Variants in PLCB1 observed in about 807,000 individuals in gnomAD.
The protein encoded by PLCB1 is 1-phosphatidylinositol 4,5-bisphosphate phosphodiesterase beta-1.
Under a neutral mutation model 161.8 loss-of-function variants are expected in PLCB1, and 46 were observed. The observed-to-expected ratio is 0.28, with a 90% CI of 0.22 to 0.36. PLCB1 has a LOEUF of 0.36. PLCB1 is among the 10% of genes least tolerant of loss of function. The pLI is 1.00. For synonymous variants in PLCB1, 517 were observed against 503.7 expected (o/e 1.03, Z -0.35); for missense variants, 1,016 against 1,472.5 (o/e 0.69, Z 5.07).
At chr20:8,760,853 T>C (rs560097928) in intron 25 of PLCB1, among the ~76,000 whole-genome samples, 2 of 152,366 alleles carry the variant, frequency 1.3e-5, no homozygotes, top group Non-Finnish European at 2.9e-5. Flanking sequence ...GTTTAAGAAC[T>C]GTGATACAGT....
intron 3 of PLCB1, among the ~76,000 whole-genome samples, chr20:8,579,713 C>T (rs554011848): frequency 3.9e-4 from 60 of 152,166 alleles, no homozygotes; most frequent in African/African-American, 1.4e-3. Context: ...ACCATTCTGT[C>T]TTCATTTTTT....
chr20:8,875,688 T>TTAAG (rs1483282530), intron 31 of PLCB1, among the ~76,000 whole-genome samples: 1 of 151,838 alleles, frequency 6.6e-6, no homozygotes, highest in Non-Finnish European at 1.5e-5. Context: ...ATATTTTTTT[T>TTAAG]TAAGTTTTCT....
At chr20:8,680,159 T>A (rs1326569008) in intron 9 of PLCB1, among the ~76,000 whole-genome samples, 1 of 152,204 alleles carries the variant, frequency 6.6e-6, no homozygotes, top group Non-Finnish European at 1.5e-5. Flanking sequence ...TCTATGTGCC[T>A]CAGTGGACCA....
intron 3 of PLCB1, among the ~76,000 whole-genome samples, chr20:8,481,647 C>A (rs1982501887): frequency 6.6e-6 from 1 of 152,092 alleles, no homozygotes; most frequent in Non-Finnish European, 1.5e-5. Context: ...CCTTAATTAC[C>A]ATTTTGGGGG....
intron 3 of PLCB1, among the ~76,000 whole-genome samples, chr20:8,503,311 G>T (rs191318766): frequency 1.6e-4 from 25 of 152,246 alleles, no homozygotes; most frequent in Non-Finnish European, 3.2e-4. Flanking sequence ...TTCTTGGACT[G>T]CCCTTTGATT....
chr20:8,475,018 CACACACACACACACAG>C (rs1387149910), intron 3 of PLCB1, among the ~76,000 whole-genome samples: 2 of 151,654 alleles, frequency 1.3e-5, no homozygotes, highest in South Asian at 2.1e-4. Context: ...CAGACACACA[CACACACACACACACAG>C]ACACACACAC....
At chr20:8,867,727 A>G (rs957925387) in intron 31 of PLCB1, among the ~76,000 whole-genome samples, 4 of 152,116 alleles carry the variant, frequency 2.6e-5, no homozygotes, top group African/African-American at 9.7e-5. Context: ...GTATATGTTA[A>G]AATTGCTGAA....
chr20:8,820,096 TTTTA>T (rs1236409243), intron 31 of PLCB1, among the ~76,000 whole-genome samples: 1 of 148,170 alleles, frequency 6.7e-6, no homozygotes, highest in Non-Finnish European at 1.5e-5. Context: ...TTGTATTATG[TTTTA>T]TTTATGTTTT....
intron 3 of PLCB1, among the ~76,000 whole-genome samples, chr20:8,396,808 C>T (rs189923251): frequency 6.6e-6 from 1 of 152,124 alleles, no homozygotes; most frequent in African/African-American, 2.4e-5. Context: ...TCTAACATGA[C>T]ACTGTAAGCA....
intron 2 of PLCB1, among the ~76,000 whole-genome samples, chr20:8,212,694 T>C (rs1978891277): frequency 2.0e-5 from 3 of 152,138 alleles, no homozygotes; most frequent in Admixed American, 2.0e-4. Flanking sequence ...TGTTCACTGC[T>C]GATGGCTGAA....
intron 31 of PLCB1, among the ~76,000 whole-genome samples, chr20:8,849,636 A>C (rs1986817582): frequency 6.6e-6 from 1 of 151,556 alleles, no homozygotes; most frequent in African/African-American, 2.4e-5. Flanking sequence ...AGATCATGCC[A>C]CTGCACTCCA....
At chr20:8,357,125 T>C (rs1986387069) in intron 2 of PLCB1, among the ~76,000 whole-genome samples, 1 of 152,170 alleles carries the variant, frequency 6.6e-6, no homozygotes, top group Admixed American at 6.5e-5. Flanking sequence ...TTAAGAAAAA[T>C]TATACACCCA....
At chr20:8,772,783 A>C (rs1438662718) in intron 26 of PLCB1, among the ~76,000 whole-genome samples, 2 of 152,058 alleles carry the variant, frequency 1.3e-5, no homozygotes, top group Admixed American at 6.6e-5. Context: ...AAATAAAAAA[A>C]TTAGCCGGGC....
chr20:8,250,804 T>C (rs1229847000), intron 2 of PLCB1, among the ~76,000 whole-genome samples: 1 of 151,972 alleles, frequency 6.6e-6, no homozygotes, highest in South Asian at 2.1e-4. Context: ...CAAATATTTA[T>C]TGAGCTCCCA....
chr20:8,678,511 G>C (rs1312510297), intron 9 of PLCB1, among the ~76,000 whole-genome samples: 11 of 152,194 alleles, frequency 7.2e-5, no homozygotes. Context: ...AACCATCCTA[G>C]TAAAAGTGGT....
At chr20:8,805,529 G>A (rs1258271343) in intron 31 of PLCB1, among the ~76,000 whole-genome samples, 2 of 152,166 alleles carry the variant, frequency 1.3e-5, no homozygotes, top group African/African-American at 2.4e-5. Flanking sequence ...GTTTAAGGCC[G>A]TAGAAAGGCA....
chr20:8,276,018 T>C (rs1600280617), intron 2 of PLCB1, among the ~76,000 whole-genome samples: 1 of 152,200 alleles, frequency 6.6e-6, no homozygotes, highest in East Asian at 1.9e-4. Context: ...TGATTTATTT[T>C]TTCTTGCTCT....
At chr20:8,349,878 T>A (rs914686018) in intron 2 of PLCB1, among the ~76,000 whole-genome samples, 1 of 151,956 alleles carries the variant, frequency 6.6e-6, no homozygotes, top group Non-Finnish European at 1.5e-5. Flanking sequence ...AGAATCAATA[T>A]ATTAAAAAAG....
At chr20:8,602,919 G>A (rs1414012655) in intron 3 of PLCB1, among the ~76,000 whole-genome samples, 1 of 152,208 alleles carries the variant, frequency 6.6e-6, no homozygotes, top group East Asian at 1.9e-4. Context: ...TTCAGTTGAA[G>A]CTCCTCTGGT....
Sources: allele counts gnomAD v4.1 joint callset (sites outside exome capture counted in the v4.1 genomes callset), GRCh38; gene constraint gnomAD v4.1.1; transcripts MANE v1.5; gene names NCBI Gene and HGNC (gene_info 2026-07-23, HGNC 2026-07-21).